Variants in BBX observed in about 807,000 individuals in gnomAD.
BBX encodes HMG box transcription factor BBX.
A neutral mutation model predicts 100.2 loss-of-function variants in BBX; 30 were observed. The observed-to-expected ratio is 0.30, with a 90% CI of 0.22 to 0.41. The LOEUF (loss-of-function observed/expected upper bound fraction) is 0.41, where lower values mean the gene tolerates loss of function less well. Among genes scored for constraint, BBX ranks in the 10% least tolerant of loss-of-function variants. The pLI, the probability that BBX is intolerant of heterozygous loss-of-function variation, is 1.00. For synonymous variants in BBX, 376 were observed against 388.1 expected, an observed-to-expected ratio of 0.97 and a Z score of 0.37; for missense variants, 1,023 against 1,129.8, an observed-to-expected ratio of 0.91 and a Z score of 1.35.
intron 3 of BBX, among the ~76,000 whole-genome samples, chr3:107,667,625 T>G (rs1456533231): frequency 6.6e-6 from 1 of 151,844 alleles, no homozygotes; most frequent in African/African-American, 2.4e-5. Context: ...GGGCTTAATT[T>G]GGAAAAGGTT....
At chr3:107,786,298 G>C (rs867272813) in intron 13 of BBX, among the ~76,000 whole-genome samples, 1 of 152,194 alleles carries the variant, frequency 6.6e-6, no homozygotes, top group East Asian at 1.9e-4. Context: ...TGACTTCTTT[G>C]TAGAAATTGA....
At chr3:107,588,901 G>T (rs369721274) in intron 2 of BBX, among the ~76,000 whole-genome samples, 1 of 152,102 alleles carries the variant, frequency 6.6e-6, no homozygotes, top group Non-Finnish European at 1.5e-5. Flanking sequence ...TTAAAATTAC[G>T]TATTTAGTCT....
At chr3:107,734,586 A>G (rs1252014842) in intron 7 of BBX, among the ~76,000 whole-genome samples, 1 of 152,212 alleles carries the variant, frequency 6.6e-6, no homozygotes, top group Non-Finnish European at 1.5e-5. Flanking sequence ...ATGATTCCCA[A>G]GAATACATTG....
intron 2 of BBX, among the ~76,000 whole-genome samples, chr3:107,542,104 A>G (rs2048905653): frequency 1.3e-5 from 2 of 152,228 alleles, no homozygotes; most frequent in Admixed American, 1.3e-4. Context: ...TCTACAAGTT[A>G]TTTCAGGATC....
At chr3:107,744,859 T>G in intron 8 of BBX, 149 bp downstream of exon 8, 1 of 641,204 alleles carries the variant, frequency 1.6e-6, no homozygotes, top group South Asian at 2.1e-5. Context: ...AAAGATATTT[T>G]GGGTCTCTAG....
At chr3:107,749,235 G>A (rs2064871072) in intron 9 of BBX, among the ~76,000 whole-genome samples, 1 of 152,130 alleles carries the variant, frequency 6.6e-6, no homozygotes, top group African/African-American at 2.4e-5. Flanking sequence ...TAAGCAAAAT[G>A]TTATTTTCAC....
chr3:107,583,959 A>ATATATTAT lies in BBX; in HGVS notation c.-84+57562_-84+57569dup, dbSNP rs1424617182. 4.5e-4 allele frequency among the ~76,000 whole-genome samples: 35 copies of ATATATTAT among 78,576 alleles called. 1 individual carries two copies. Among genetic ancestry groups the ATATATTAT allele is most frequent in the African/African-American group, 2.4e-3 (35 of 14,884 alleles). The allele number at this position is 78,576 out of a possible 152,430, so 51.5% of individuals were successfully genotyped here. ...TATATTATATATATTATTATATTAT[A>ATATATTAT]TATATTATATATATTATTATATTAT... On this transcript the variant is annotated intron_variant, in intron 2 of 17. Coordinates refer to ENST00000325805, the MANE Select transcript of BBX (RefSeq NM_001142568.3).
chr3:107,735,237 A>G (rs534104622), intron 7 of BBX, among the ~76,000 whole-genome samples: 30 of 152,252 alleles, frequency 2.0e-4, no homozygotes, highest in African/African-American at 4.8e-4. Flanking sequence ...AGACATGATA[A>G]TGAACTTTAA....
At chr3:107,566,474 C>G (rs2050923133) in intron 2 of BBX, among the ~76,000 whole-genome samples, 1 of 151,660 alleles carries the variant, frequency 6.6e-6, no homozygotes, top group African/African-American at 2.4e-5. Flanking sequence ...TATAACCTCT[C>G]TGTGCTGTGG....
intron 2 of BBX, among the ~76,000 whole-genome samples, chr3:107,620,942 G>C (rs571283237): frequency 6.8e-6 from 1 of 147,036 alleles, no homozygotes; most frequent in Admixed American, 6.8e-5. Flanking sequence ...GAGTGTGTGT[G>C]TGGGGGGGTG....
At chr3:107,701,068 G>A (rs1465703276) in intron 3 of BBX, among the ~76,000 whole-genome samples, 1 of 151,984 alleles carries the variant, frequency 6.6e-6, no homozygotes, top group Non-Finnish European at 1.5e-5. Context: ...CAGTGTAAAA[G>A]TGTTCCTATT....
At chr3:107,622,476 G>A (rs1352230017) in intron 2 of BBX, among the ~76,000 whole-genome samples, 1 of 152,122 alleles carries the variant, frequency 6.6e-6, no homozygotes, top group East Asian at 1.9e-4. Context: ...TCCTGTACAT[G>A]CGTGTTTATA....
intron 10 of BBX, among the ~76,000 whole-genome samples, chr3:107,769,178 A>G (rs2066652442): frequency 3.3e-5 from 2 of 59,862 alleles, no homozygotes; most frequent in African/African-American, 4.7e-5. Flanking sequence ...TCATAGATAG[A>G]TAGATAGATA....
At chr3:107,641,512 C>T (rs1313213160) in intron 2 of BBX, among the ~76,000 whole-genome samples, 1 of 152,204 alleles carries the variant, frequency 6.6e-6, no homozygotes, top group South Asian at 2.1e-4. Context: ...TTTTCTGTCC[C>T]TCCTACCTAG....
chr3:107,738,260 TAAA>T lies in BBX; in HGVS notation c.669+5239_669+5241del, dbSNP rs569062627. ...TTATAATTTATTATAAACTGTATAA[TAAA>T]AGTCATATTTTAAAAAATTTTCTTA... On this transcript the variant is annotated intron_variant, in intron 7 of 17. Transcript: ENST00000325805. 5.2e-3 allele frequency among the ~76,000 whole-genome samples: 785 copies of T among 152,206 alleles called. 3 individuals are homozygous for T. Among genetic ancestry groups the T allele is most frequent in the Non-Finnish European group, 8.3e-3 (565 of 68,002 alleles).
chr3:107,643,564 A>G lies in BBX; in HGVS notation c.-83-2272A>G, dbSNP rs184830330. Among the ~76,000 whole-genome samples the G allele has an allele frequency of 2.6e-5, 4 of 152,180 alleles. No individual in the cohort carries two copies. In the East Asian group the frequency reaches 7.7e-4, roughly 29 times the overall value. On this transcript the variant is annotated intron_variant, in intron 2 of 17. Coordinates refer to ENST00000325805, the MANE Select transcript of BBX (RefSeq NM_001142568.3). ...AGTAAGCCAAAGTGGGACCCAGAGA[A>G]CACAGACAGGTACCAGGTGGCTCAG...
chr3:107,791,359 A>T, intron 15 of BBX, 60 bp downstream of exon 15: 1 of 1,296,328 alleles, frequency 7.7e-7, no homozygotes, highest in Non-Finnish European at 1.1e-6. Flanking sequence ...CATAAGTTGT[A>T]TAGGTTTTTA....
chr3:107,564,550 A>G (rs888753117), intron 2 of BBX, among the ~76,000 whole-genome samples: 2 of 152,172 alleles, frequency 1.3e-5, no homozygotes, highest in African/African-American at 2.4e-5. Context: ...TGAGATGTAG[A>G]TGAATCTTTT....
intron 2 of BBX, among the ~76,000 whole-genome samples, chr3:107,622,749 A>G (rs1273498685): frequency 1.3e-5 from 2 of 152,142 alleles, no homozygotes; most frequent in Non-Finnish European, 2.9e-5. Context: ...TATTCTGGAC[A>G]TTTTAATTGT....
Sources: allele counts gnomAD v4.1 joint callset (sites outside exome capture counted in the v4.1 genomes callset), GRCh38; gene constraint gnomAD v4.1.1; transcripts MANE v1.5; gene names NCBI Gene and HGNC (gene_info 2026-07-23, HGNC 2026-07-21).